The following CDH6 variants were observed in gnomAD, a reference collection of about 807,000 sequenced individuals.
The protein encoded by CDH6 is cadherin 6, also known as cadherin-6.
A neutral mutation model predicts 78.0 loss-of-function variants in CDH6; 31 were observed. The ratio of observed to expected loss-of-function variants is 0.40; its 90% CI spans 0.30 to 0.54. The LOEUF is 0.54. Among genes scored for constraint, CDH6 ranks in the 20% least tolerant of loss-of-function variants. The pLI is 0.56. For synonymous variants in CDH6, 376 were observed against 368.8 expected, an observed-to-expected ratio of 1.02 and a Z score of -0.23; for missense variants, 724 against 975.9, an observed-to-expected ratio of 0.74 and a Z score of 3.44.
chr5:31,228,812 G>C (rs1490119296), intron 1 of CDH6, among the ~76,000 whole-genome samples: 1 of 152,200 alleles, frequency 6.6e-6, no homozygotes, highest in South Asian at 2.1e-4. Context: ...ACCTCCTGCT[G>C]TGTGGCCGGG....
intron 1 of CDH6, among the ~76,000 whole-genome samples, chr5:31,210,227 G>T (rs1259821980): frequency 1.3e-5 from 2 of 152,088 alleles, no homozygotes; most frequent in Non-Finnish European, 2.9e-5. Flanking sequence ...CTTAAAGTCA[G>T]TATCGCTGGG....
intron 3 of CDH6, 115 bp from the exon 4 acceptor site, chr5:31,297,174 C>T (rs1737631558): frequency 6.9e-6 from 6 of 872,318 alleles, no homozygotes; most frequent in African/African-American, 5.1e-5. Flanking sequence ...CCAAAGTTCT[C>T]GACTTCCTCA....
intron 1 of CDH6, among the ~76,000 whole-genome samples, chr5:31,210,076 T>TTGTGTGTGTGTGTGTGTGTGTGTGTGTG (rs60543109): frequency 6.8e-6 from 1 of 146,470 alleles, no homozygotes; most frequent in East Asian, 2.0e-4. Context: ...TTTTCTTAAA[T>TTGTGTGTGTGTGTGTGTGTGTGTGTGTG]TGTGTGTGTG....
chr5:31,321,811 C>A (rs1738483594), intron 11 of CDH6, among the ~76,000 whole-genome samples: 6 of 152,158 alleles, frequency 3.9e-5, no homozygotes, highest in Admixed American at 3.9e-4. Flanking sequence ...CTGTAATACA[C>A]TCCTCTGCAC....
chr5:31,240,498 C>T (rs1741569242), intron 1 of CDH6, among the ~76,000 whole-genome samples: 1 of 152,048 alleles, frequency 6.6e-6, no homozygotes. Context: ...ATCATTTAGG[C>T]CACTCTTGAA....
At chr5:31,253,049 C>T (rs890762673) in intron 1 of CDH6, among the ~76,000 whole-genome samples, 1 of 152,204 alleles carries the variant, frequency 6.6e-6, no homozygotes, top group Non-Finnish European at 1.5e-5. Flanking sequence ...GTTTTGGAAA[C>T]TAGGAAGTCC....
rs1452323550 is a variant in CDH6 at position 31,302,780 on chromosome 5, GA to G, written c.999+483del. Among the ~76,000 whole-genome samples the G allele has an allele frequency of 3.3e-3, 188 of 57,616 alleles. 4 individuals carry two copies. Among genetic ancestry groups the G allele is most frequent in the Non-Finnish European group, 5.7e-3 (158 of 27,958 alleles). The allele number at this position is 57,616 out of a possible 152,430, so 37.8% of individuals were successfully genotyped here. ...AAGAAAGAAAGAAAGAAAGAAGAAA[GA>G]GAGAGAGAGAGAGAGAGAGAAAGAA... On this transcript the variant is annotated intron_variant, in intron 6 of 11. Coordinates refer to ENST00000265071, the MANE Select transcript of CDH6 (RefSeq NM_004932.4).
intron 1 of CDH6, among the ~76,000 whole-genome samples, chr5:31,207,936 G>A (rs1363390385): frequency 2.6e-5 from 4 of 152,174 alleles, no homozygotes; most frequent in East Asian, 1.9e-4. Context: ...ACACCAGGCC[G>A]TCGGGGCTAC....
intron 1 of CDH6, among the ~76,000 whole-genome samples, chr5:31,207,108 C>T (rs983207910): frequency 2.0e-5 from 3 of 152,070 alleles, no homozygotes; most frequent in Non-Finnish European, 2.9e-5. Context: ...GATTTCAATT[C>T]GACTCAGCCA....
At chr5:31,306,195 G>A (rs986115700) in intron 7 of CDH6, among the ~76,000 whole-genome samples, 1 of 152,086 alleles carries the variant, frequency 6.6e-6, no homozygotes, top group Non-Finnish European at 1.5e-5. Flanking sequence ...TCCTCCATTC[G>A]GATGGTTTTT....
chr5:31,243,595 G>A (rs1160766925), intron 1 of CDH6, among the ~76,000 whole-genome samples: 1 of 152,146 alleles, frequency 6.6e-6, no homozygotes, highest in Non-Finnish European at 1.5e-5. Flanking sequence ...TGATGGCTGA[G>A]GCTTCTTTAC....
chr5:31,224,476 T>C (rs1741092328), intron 1 of CDH6, among the ~76,000 whole-genome samples: 2 of 152,158 alleles, frequency 1.3e-5, no homozygotes, highest in African/African-American at 4.8e-5. Flanking sequence ...AAGTAAATTA[T>C]CTAAAGTAAT....
Position 31,302,107 on chromosome 5 carries a change from A to G in CDH6, c.812-4A>G, listed in dbSNP as rs750111507. The G allele has an allele frequency of 2.5e-6, 4 of 1,596,736 alleles. No individual in the cohort carries two copies. In the African/African-American group the frequency reaches 5.4e-5, roughly 21 times the overall value. On this transcript the variant is annotated splice_polypyrimidine_tract_variant and splice_region_variant and intron_variant, in intron 5 of 11. Coordinates refer to ENST00000265071, the MANE Select transcript of CDH6 (RefSeq NM_004932.4). ...TTGACTTATATCTGTCTGGTGATTA[A>G]TAGGTACATACCAGTTTAAAACTCC... is the stretch of plus-strand genomic sequence containing the variant.
chr5:31,220,603 GA>G (rs955746162), intron 1 of CDH6, among the ~76,000 whole-genome samples: 2 of 151,408 alleles, frequency 1.3e-5, no homozygotes, highest in East Asian at 1.9e-4. Flanking sequence ...ATGGAGGAAG[GA>G]AAAAAAAGGT....
chr5:31,243,619 C>T (rs1045185102), intron 1 of CDH6, among the ~76,000 whole-genome samples: 4 of 152,140 alleles, frequency 2.6e-5, no homozygotes, highest in Non-Finnish European at 5.9e-5. Context: ...CCCAAGCTTG[C>T]CTGCTTGACA....
intron 1 of CDH6, among the ~76,000 whole-genome samples, chr5:31,199,514 G>A (rs1203153380): frequency 3.5e-5 from 3 of 84,872 alleles, no homozygotes; most frequent in African/African-American, 7.8e-5. Context: ...GTATATATAT[G>A]TACACACACA....
chr5:31,274,816 G>C (rs1742647002), intron 2 of CDH6, among the ~76,000 whole-genome samples: 1 of 152,164 alleles, frequency 6.6e-6, no homozygotes, highest in Non-Finnish European at 1.5e-5. Context: ...ATGAGACTCT[G>C]TCTCAAATAA....
intron 1 of CDH6, among the ~76,000 whole-genome samples, chr5:31,230,077 C>T (rs1189194157): frequency 6.6e-6 from 1 of 152,206 alleles, no homozygotes; most frequent in Non-Finnish European, 1.5e-5. Context: ...TGATTCCGCT[C>T]CTTGCAGAAT....
chr5:31,285,806 G>T (rs1190136153), intron 2 of CDH6, among the ~76,000 whole-genome samples: 1 of 152,068 alleles, frequency 6.6e-6, no homozygotes, highest in Non-Finnish European at 1.5e-5. Context: ...GTCCATTTTT[G>T]TCAACAAATC....
Sources: gnomAD v4.1 joint callset for allele counts (sites outside exome capture counted in the v4.1 genomes callset) on GRCh38, gnomAD v4.1.1 for gene constraint, MANE v1.5 for transcripts, NCBI Gene and HGNC (gene_info 2026-07-23, HGNC 2026-07-21) for gene names.